The following PLXDC2 variants were observed in gnomAD, a reference collection of about 807,000 sequenced individuals.
PLXDC2 encodes plexin domain-containing protein 2.
In PLXDC2, 40 loss-of-function variants were observed where a neutral mutation model predicts 68.9. The ratio of observed to expected loss-of-function variants is 0.58; its 90% CI spans 0.45 to 0.76. PLXDC2 has a LOEUF of 0.76. Ranked by LOEUF, PLXDC2 falls within the 30% of genes least tolerant of loss-of-function variation. The pLI is 0.00. For missense variants in PLXDC2, 644 were observed against 661.9 expected, an observed-to-expected ratio of 0.97 and a Z score of 0.30; for synonymous variants, 243 against 234.2, an observed-to-expected ratio of 1.04 and a Z score of -0.34.
At chr10:20,245,582 A>T in intron 13 of PLXDC2, 77 bp downstream of exon 13, 7 of 1,444,538 alleles carry the variant, frequency 4.8e-6, no homozygotes, top group Non-Finnish European at 6.6e-6. Flanking sequence ...CCTGGATTTA[A>T]TATTTACCAC....
intron 1 of PLXDC2, among the ~76,000 whole-genome samples, chr10:19,888,371 A>G (rs1237122106): frequency 7.2e-5 from 11 of 152,292 alleles, no homozygotes; most frequent in East Asian, 1.9e-4. Context: ...TCTTCTGGCT[A>G]TTGATCTCCA....
At chr10:20,209,788 C>T (rs548397003) in intron 9 of PLXDC2, among the ~76,000 whole-genome samples, 16 of 152,196 alleles carry the variant, frequency 1.1e-4, no homozygotes, top group East Asian at 7.7e-4. Context: ...TCCTCCTCAG[C>T]TTACGAAGAT....
At chr10:19,859,042 G>A (rs1389398170) in intron 1 of PLXDC2, among the ~76,000 whole-genome samples, 1 of 150,588 alleles carries the variant, frequency 6.6e-6, no homozygotes, top group African/African-American at 2.4e-5. Context: ...GAGAGAGAGA[G>A]AGAGAGCGAG....
chr10:19,838,499 T>A (rs945923693), intron 1 of PLXDC2, among the ~76,000 whole-genome samples: 6 of 152,236 alleles, frequency 3.9e-5, no homozygotes, highest in African/African-American at 9.6e-5. Flanking sequence ...CAAGTCACTT[T>A]GCTATAGTCT....
intron 1 of PLXDC2, among the ~76,000 whole-genome samples, chr10:19,853,660 G>T (rs202181396): frequency 6.9e-6 from 1 of 144,660 alleles, no homozygotes; most frequent in East Asian, 2.1e-4. Context: ...GGTGGGGGGG[G>T]GGTTGCAATT....
At chr10:19,827,290 T>C (rs956530360) in intron 1 of PLXDC2, among the ~76,000 whole-genome samples, 1 of 152,236 alleles carries the variant, frequency 6.6e-6, no homozygotes, top group Non-Finnish European at 1.5e-5. Flanking sequence ...TAAGTCTTTA[T>C]ATCTGATGGG....
At chr10:19,820,753 T>C (rs947375352) in intron 1 of PLXDC2, among the ~76,000 whole-genome samples, 2 of 151,726 alleles carry the variant, frequency 1.3e-5, no homozygotes, top group African/African-American at 2.4e-5. Flanking sequence ...AGGAATGAGT[T>C]GATCAACAGC....
At chr10:19,953,214 A>G (rs1475010816) in intron 1 of PLXDC2, among the ~76,000 whole-genome samples, 1 of 152,198 alleles carries the variant, frequency 6.6e-6, no homozygotes, top group Non-Finnish European at 1.5e-5. Flanking sequence ...TTATACAACT[A>G]GTTAGTATAG....
chr10:19,914,662 C>A (rs1177647331), intron 1 of PLXDC2, among the ~76,000 whole-genome samples: 1 of 152,148 alleles, frequency 6.6e-6, no homozygotes, highest in Middle Eastern at 3.2e-3. Flanking sequence ...TACCTTTGAA[C>A]AATTCTATAG....
intron 2 of PLXDC2, among the ~76,000 whole-genome samples, chr10:20,039,716 A>C (rs902619777): frequency 1.3e-5 from 2 of 152,300 alleles, no homozygotes; most frequent in African/African-American, 4.8e-5. Flanking sequence ...AAAAAGAAAA[A>C]AGTAGTTTGC....
At chr10:20,149,573 A>G (rs1479369804) in intron 6 of PLXDC2, among the ~76,000 whole-genome samples, 2 of 151,462 alleles carry the variant, frequency 1.3e-5, no homozygotes, top group African/African-American at 4.8e-5. Context: ...CCCTCCTCTC[A>G]CCTTCCACTC....
chr10:20,179,146 G>T (rs768152873), intron 9 of PLXDC2, among the ~76,000 whole-genome samples: 149 of 152,200 alleles, frequency 9.8e-4, no homozygotes, highest in Non-Finnish European at 1.6e-3. Flanking sequence ...ACTGGTTTGA[G>T]CTGCATACCT....
chr10:20,176,388 T>TTGTGTG (rs759965037), intron 7 of PLXDC2, among the ~76,000 whole-genome samples: 2 of 26,060 alleles, frequency 7.7e-5, no homozygotes, highest in Non-Finnish European at 1.9e-4. Flanking sequence ...TCTCGCACAG[T>TTGTGTG]TATGTGTGTG....
intron 6 of PLXDC2, among the ~76,000 whole-genome samples, chr10:20,156,881 A>T (rs1031547341): frequency 1.2e-4 from 18 of 152,214 alleles, no homozygotes; most frequent in African/African-American, 4.3e-4. Flanking sequence ...ATTCAAGTGT[A>T]GTTTACAGAC....
intron 1 of PLXDC2, among the ~76,000 whole-genome samples, chr10:19,907,073 C>T (rs1833176927): frequency 6.6e-6 from 1 of 152,094 alleles, no homozygotes; most frequent in Non-Finnish European, 1.5e-5. Flanking sequence ...CAGTGTAACT[C>T]CTAGGAAGAT....
intron 1 of PLXDC2, among the ~76,000 whole-genome samples, chr10:19,850,012 T>C (rs1309335046): frequency 2.6e-5 from 4 of 152,202 alleles, no homozygotes; most frequent in Admixed American, 2.6e-4. Context: ...TACATTTCCT[T>C]ACTCCCTAAA....
At chr10:19,928,682 T>C (rs2131387071) in intron 1 of PLXDC2, among the ~76,000 whole-genome samples, 1 of 151,854 alleles carries the variant, frequency 6.6e-6, no homozygotes, top group African/African-American at 2.4e-5. Flanking sequence ...GGAGTTTCAC[T>C]AATTTTATCG....
chr10:20,109,508 T>C (rs1833531241), intron 4 of PLXDC2, among the ~76,000 whole-genome samples: 1 of 152,222 alleles, frequency 6.6e-6, no homozygotes, highest in Admixed American at 6.5e-5. Flanking sequence ...CATTAAGAAC[T>C]CATTATACCA....
chr10:20,206,548 T>C (rs1834995245), intron 9 of PLXDC2, among the ~76,000 whole-genome samples: 1 of 152,050 alleles, frequency 6.6e-6, no homozygotes, highest in South Asian at 2.1e-4. Context: ...GAATTTGCTG[T>C]GCTTAGAGCA....
Sources: allele counts gnomAD v4.1 joint callset (sites outside exome capture counted in the v4.1 genomes callset), GRCh38; gene constraint gnomAD v4.1.1; transcripts MANE v1.5; gene names NCBI Gene and HGNC (gene_info 2026-07-23, HGNC 2026-07-21).